The following BTLA variants were observed in gnomAD, a reference collection of about 807,000 sequenced individuals.
The protein encoded by BTLA is B and T lymphocyte associated.
In BTLA, 11 loss-of-function variants were observed where a neutral mutation model predicts 25.0. The ratio of observed to expected loss-of-function variants is 0.44; its 90% CI spans 0.28 to 0.73. The LOEUF (loss-of-function observed/expected upper bound fraction) is 0.73. BTLA is among the 30% of genes least tolerant of loss of function. The probability of loss-of-function intolerance (pLI) is 0.15; values close to 1 mark genes in which losing one functional copy is unlikely to be tolerated. For synonymous variants in BTLA, 104 were observed against 119.8 expected (o/e 0.87, Z 0.86); for missense variants, 282 against 332.8 (o/e 0.85, Z 1.19).
chr3:112,483,140 C>CTTTTTTTT (rs35513528), intron 1 of BTLA, among the ~76,000 whole-genome samples: 7 of 51,656 alleles, frequency 1.4e-4, no homozygotes, highest in African/African-American at 4.2e-4. Context: ...GGGCACCTTT[C>CTTTTTTTT]TTTTTTTTTT....
chr3:112,464,206 A>C lies in BTLA; in HGVS notation c.*1902T>G, dbSNP rs1234413415. ...GATTTGTGATTTTGGCAAACAGTACAAATATATTAATACATCTTAGAGATG... is the reference window on the plus strand; with the variant it reads ...GATTTGTGATTTTGGCAAACAGTACCAATATATTAATACATCTTAGAGATG... On this transcript the variant is annotated 3_prime_UTR_variant, in exon 5 of 5. Transcript: ENST00000334529. 3 of 397,794 alleles carry C rather than the reference A, an allele frequency of 7.5e-6. No homozygotes were observed. The highest frequency in any genetic ancestry group is 1.3e-5 in the Non-Finnish European group (3 of 225,634). 24.6% of individuals were successfully genotyped at this position (397,794 alleles called of 1,614,324 possible).
At chr3:112,483,592 A>G (rs2082330026) in intron 1 of BTLA, among the ~76,000 whole-genome samples, 1 of 152,132 alleles carries the variant, frequency 6.6e-6, no homozygotes. Flanking sequence ...ATCAGATAGG[A>G]TGTCTGCATT....
intron 4 of BTLA, among the ~76,000 whole-genome samples, chr3:112,466,805 G>T (rs1426641863): frequency 1.3e-5 from 2 of 151,758 alleles, no homozygotes; most frequent in African/African-American, 4.8e-5. Context: ...CCCCTAAGAG[G>T]GCAGAAACAA....
chr3:112,479,061 TAAAGA>T (rs1234072099), intron 2 of BTLA, among the ~76,000 whole-genome samples: 1 of 144,826 alleles, frequency 6.9e-6, no homozygotes, highest in Non-Finnish European at 1.5e-5. Context: ...TGAACAAAAG[TAAAGA>T]AGAGAAAAAT....
At chr3:112,471,188 G>A (rs1022756079) in intron 3 of BTLA, 24 bp downstream of exon 3, 1 of 1,612,012 alleles carries the variant, frequency 6.2e-7, no homozygotes, top group Non-Finnish European at 8.5e-7. Context: ...GTGGTACTGG[G>A]GGCAGAGGGA....
chr3:112,496,734 A>G (rs897968109), intron 1 of BTLA, among the ~76,000 whole-genome samples: 7 of 152,156 alleles, frequency 4.6e-5, no homozygotes, highest in East Asian at 1.9e-4. Flanking sequence ...CAACTGGTAT[A>G]TATCTGACCA....
At chr3:112,476,129 A>G (rs941097798) in intron 2 of BTLA, among the ~76,000 whole-genome samples, 2 of 152,192 alleles carry the variant, frequency 1.3e-5, no homozygotes, top group Admixed American at 6.5e-5. Context: ...CATACAGAGC[A>G]AAGATGTTTA....
At chr3:112,491,981 C>A (rs77018201) in intron 1 of BTLA, among the ~76,000 whole-genome samples, 1,647 of 152,308 alleles carry the variant, frequency 0.011, 27 homozygotes, top group African/African-American at 0.037. Flanking sequence ...ATATATTAAC[C>A]AGCAAGGCTT....
At chr3:112,475,989 C>T (rs2082286677) in intron 2 of BTLA, among the ~76,000 whole-genome samples, 2 of 152,098 alleles carry the variant, frequency 1.3e-5, no homozygotes, top group Non-Finnish European at 2.9e-5. Flanking sequence ...TCATTCCATA[C>T]ATCCTTAATA....
At chr3:112,466,553 A>T (rs897067124) in intron 4 of BTLA, among the ~76,000 whole-genome samples, 170 bp from the exon 5 acceptor site, 31 of 152,244 alleles carry the variant, frequency 2.0e-4, no homozygotes, top group African/African-American at 7.5e-4. Context: ...AATTTCAATT[A>T]TTAAAGGATG....
chr3:112,468,917 T>C (rs2107308118), intron 4 of BTLA, among the ~76,000 whole-genome samples: 1 of 152,328 alleles, frequency 6.6e-6, no homozygotes, highest in East Asian at 1.9e-4. Context: ...TATAGAATTA[T>C]TGGCTGTATC....
intron 1 of BTLA, among the ~76,000 whole-genome samples, chr3:112,480,310 A>T (rs754327697): frequency 6.6e-6 from 1 of 151,718 alleles, no homozygotes; most frequent in Non-Finnish European, 1.5e-5. Flanking sequence ...TCATTTGCTG[A>T]CTCTCTTTTT....
chr3:112,485,201 C>T (rs1010044973), intron 1 of BTLA, among the ~76,000 whole-genome samples: 1 of 151,998 alleles, frequency 6.6e-6, no homozygotes, highest in African/African-American at 2.4e-5. Context: ...CCCACAACCA[C>T]GCCCGGCTAA....
intron 1 of BTLA, among the ~76,000 whole-genome samples, chr3:112,483,967 CAA>C (rs34500950): frequency 4.7e-4 from 60 of 128,810 alleles, no homozygotes; most frequent in Middle Eastern, 8.4e-3. Flanking sequence ...GACTCTGTCT[CAA>C]AAAAAAAAAA....
chr3:112,473,693 C>T (rs1055240369), intron 2 of BTLA, among the ~76,000 whole-genome samples: 2 of 146,730 alleles, frequency 1.4e-5, no homozygotes, highest in African/African-American at 5.2e-5. Flanking sequence ...CGGTTCACTG[C>T]AGCCTCCACC....
intron 1 of BTLA, among the ~76,000 whole-genome samples, chr3:112,488,449 C>T (rs1312580416): frequency 1.3e-5 from 2 of 152,154 alleles, no homozygotes; most frequent in African/African-American, 2.4e-5. Flanking sequence ...GTCTCGATCT[C>T]CTGACCTCGT....
chr3:112,486,572 T>C (rs188726844), intron 1 of BTLA, among the ~76,000 whole-genome samples: 157 of 152,326 alleles, frequency 1.0e-3, no homozygotes, highest in Non-Finnish European at 1.8e-3. Context: ...TAGTCTGATA[T>C]AATAGTTTAT....
intron 1 of BTLA, among the ~76,000 whole-genome samples, chr3:112,485,833 C>T (rs944553422): frequency 2.0e-5 from 3 of 152,216 alleles, no homozygotes; most frequent in Non-Finnish European, 4.4e-5. Flanking sequence ...AAACTTCTGG[C>T]CGGGCACGGT....
At chr3:112,489,467 G>A (rs2082367989) in intron 1 of BTLA, among the ~76,000 whole-genome samples, 1 of 152,090 alleles carries the variant, frequency 6.6e-6, no homozygotes, top group African/African-American at 2.4e-5. Context: ...TCTCACCTGA[G>A]TTTCACTATG....
Sources: allele counts gnomAD v4.1 joint callset (sites outside exome capture counted in the v4.1 genomes callset), GRCh38; gene constraint gnomAD v4.1.1; transcripts MANE v1.5; gene names NCBI Gene and HGNC (gene_info 2026-07-23, HGNC 2026-07-21).